Variants in ACP6 observed in about 807,000 individuals in gnomAD.
ACP6 encodes acid phosphatase 6, lysophosphatidic.
Under a neutral mutation model 48.1 loss-of-function variants are expected in ACP6, and 48 were observed. The ratio of observed to expected loss-of-function variants is 1.00; its 90% CI spans 0.79 to 1.27. The LOEUF is 1.27. Among genes scored for constraint, ACP6 ranks in the 50% most tolerant of loss-of-function variants. The pLI, the probability that ACP6 is intolerant of heterozygous loss-of-function variation, is 0.00. For synonymous variants in ACP6, 172 were observed against 204.2 expected (o/e 0.84, Z 1.34); for missense variants, 485 against 529.1 (o/e 0.92, Z 0.82).
intron 1 of ACP6, among the ~76,000 whole-genome samples, chr1:147,669,109 T>G (rs587722021): frequency 6.6e-6 from 1 of 152,262 alleles, no homozygotes; most frequent in East Asian, 1.9e-4. Flanking sequence ...TTTAAACTAT[T>G]TGTGCTTTAG....
Position 147,643,182 on chromosome 1 carries a change from G to C in ACP6, c.*4241C>G, listed in dbSNP as rs1214060003. 2.0e-5 allele frequency: 3 copies of C among 152,102 alleles called. No homozygotes were observed. Among genetic ancestry groups the C allele is most frequent in the African/African-American group, 7.2e-5 (3 of 41,404 alleles). The allele number at this position is 152,102 out of a possible 1,614,324, so 9.4% of individuals were successfully genotyped here. On this transcript the variant is annotated 3_prime_UTR_variant, in exon 10 of 10. Coordinates refer to ENST00000583509, the MANE Select transcript of ACP6 (RefSeq NM_016361.5). ...ATTCAGTCCTCAACATCATTGATAG[G>C]TTCTTGGAAACTGTAGCTTTAAGTA...
chr1:147,662,808 G>T (rs1368618698), intron 1 of ACP6, among the ~76,000 whole-genome samples: 1 of 152,210 alleles, frequency 6.6e-6, no homozygotes, highest in Non-Finnish European at 1.5e-5. Flanking sequence ...TGGGTAAAAT[G>T]CTATTAAACT....
intron 9 of ACP6, 105 bp from the exon 10 acceptor site, chr1:147,647,671 G>A: frequency 7.1e-7 from 1 of 1,416,002 alleles, no homozygotes. Context: ...TGGTATACAT[G>A]TGCATACATA....
intron 8 of ACP6, among the ~76,000 whole-genome samples, chr1:147,649,176 G>A (rs781803297): frequency 3.0e-4 from 45 of 152,156 alleles, no homozygotes; most frequent in Middle Eastern, 6.8e-3. Flanking sequence ...TTCCTCTTAC[G>A]CCATCATGAG....
rs782733883 is a variant in ACP6, at chr1:147,652,556, G to A, written c.781-7C>T. The A allele has an allele frequency of 1.2e-6, 2 of 1,613,982 alleles. No individual in the cohort carries two copies. The highest frequency in any genetic ancestry group is 1.1e-5 in the South Asian group (1 of 91,080). On this transcript the variant is annotated splice_polypyrimidine_tract_variant and splice_region_variant and intron_variant, in intron 6 of 9. Coordinates refer to ENST00000583509, the MANE Select transcript of ACP6 (RefSeq NM_016361.5). ...AGCTTGGGAGGTTGTGTGCCTGAAA[G>A]GGCCACATGTAGTTTTAGAAAAAAA...
intron 7 of ACP6, 28 bp from the exon 8 acceptor site, chr1:147,650,266 C>G: frequency 6.6e-7 from 1 of 1,525,582 alleles, no homozygotes; most frequent in Non-Finnish European, 8.9e-7. Flanking sequence ...CATTTAAGCA[C>G]CTAGAGGGCA....
intron 9 of ACP6, 151 bp from the exon 10 acceptor site, chr1:147,647,717 C>G: frequency 9.8e-7 from 1 of 1,023,882 alleles, no homozygotes; most frequent in Non-Finnish European, 1.4e-6. Flanking sequence ...CGGTGAGCTT[C>G]CAGAATAAAA....
chr1:147,669,856 G>A lies in ACP6; in HGVS notation c.193C>T (p.Leu65Phe), dbSNP rs1207464798. 23 of 1,597,502 alleles carry A rather than the reference G, an allele frequency of 1.4e-5. No homozygotes were observed. Among genetic ancestry groups the A allele is most frequent in the Non-Finnish European group, 2.0e-5 (23 of 1,172,396 alleles). The change falls in exon 1 of 10, where the codon CTC becomes TTC. Residue 65 changes from leucine (L) to phenylalanine (F), a missense_variant. By Grantham distance (22) the Leu-to-Phe change is conservative. Coordinates refer to ENST00000583509, the MANE Select transcript of ACP6 (RefSeq NM_016361.5). ...VVFRHGARSP[L>F]KPLPLEEQVE... ...TGCTCCTCCAGCGGGAGCGGCTTGA[G>A]AGGACTCCGAGCCCCGTGTCGAAAC...
At chr1:147,633,539 T>C (rs1164400453) in intron 5 of ACP6, among the ~76,000 whole-genome samples, 5 of 151,966 alleles carry the variant, frequency 3.3e-5, no homozygotes, top group Non-Finnish European at 5.9e-5. Flanking sequence ...TGGAGTTATA[T>C]TGGAATTTTA....
At chr1:147,642,065 GGA>G (rs1327144857), downstream of ACP6, among the ~76,000 whole-genome samples, 1 of 152,128 alleles carries the variant, frequency 6.6e-6, no homozygotes, top group Non-Finnish European at 1.5e-5. Flanking sequence ...TTACATGAGA[GGA>G]AAAACAGGCT....
chr1:147,636,094 T>G (rs944220264), intron 5 of ACP6, among the ~76,000 whole-genome samples: 3 of 152,132 alleles, frequency 2.0e-5, no homozygotes. Flanking sequence ...GATTAATGTG[T>G]TGGTCTCCCA....
At chr1:147,659,148 G>A in intron 3 of ACP6, 109 bp from the exon 4 acceptor site, 1 of 1,138,328 alleles carries the variant, frequency 8.8e-7, no homozygotes, top group East Asian at 2.6e-5. Flanking sequence ...CATAAGGAGA[G>A]CTATGGAACT....
chr1:147,647,315 TA>T lies in ACP6; in HGVS notation c.*107del. The stretch of plus-strand genomic sequence containing the variant: ...GAAAGGAAATATCCTTACATTATAT[TA>T]AAGTACATTACCCCTTGCTCTCTCC... On this transcript the variant is annotated 3_prime_UTR_variant, in exon 10 of 10. Coordinates refer to ENST00000583509, the MANE Select transcript of ACP6 (RefSeq NM_016361.5). 7.8e-7 allele frequency: 1 copy of T among 1,277,540 alleles called. No homozygotes were observed. Among genetic ancestry groups the T allele is most frequent in the Non-Finnish European group, 1.1e-6 (1 of 920,524 alleles). 79.1% of individuals were successfully genotyped at this position (1,277,540 alleles called of 1,614,324 possible). A position where few individuals can be genotyped will look rare whatever the true frequency, so the allele number is the denominator to read the frequency against.
chr1:147,639,000 G>T (rs1306614744), downstream of ACP6, among the ~76,000 whole-genome samples: 7 of 152,158 alleles, frequency 4.6e-5, no homozygotes, highest in African/African-American at 1.7e-4. Flanking sequence ...GAGACTACAG[G>T]CACTTGCCAC....
chr1:147,659,866 G>T lies in ACP6; in HGVS notation c.220-91C>A, dbSNP rs587671654. 2.4e-4 allele frequency: 352 copies of T among 1,476,030 alleles called. 1 individual carries two copies. The highest frequency in any genetic ancestry group is 8.0e-4 in the Admixed American group (39 of 48,656). 91.4% of individuals were successfully genotyped at this position (1,476,030 alleles called of 1,614,324 possible). A position where few individuals can be genotyped will look rare whatever the true frequency, so the allele number is the denominator to read the frequency against. Reference sequence around the variant, plus strand: ...TCTCAAGCACTCAGAACACATGGCTGGAATCACTGACACTAGGCCTGCAAC... The same window carrying T: ...TCTCAAGCACTCAGAACACATGGCTTGAATCACTGACACTAGGCCTGCAAC... On this transcript the variant is annotated intron_variant, in intron 1 of 9. Coordinates refer to ENST00000583509, the MANE Select transcript of ACP6 (RefSeq NM_016361.5).
intron 5 of ACP6, among the ~76,000 whole-genome samples, chr1:147,633,164 T>G (rs1174745647): frequency 1.3e-5 from 2 of 152,190 alleles, no homozygotes; most frequent in Non-Finnish European, 2.9e-5. Context: ...TCTTTTAGTT[T>G]TTTGCCCATT....
chr1:147,642,355 A>T lies in ACP6; in HGVS notation c.*5068T>A, dbSNP rs1179373290. The T allele has an allele frequency of 2.0e-5, 3 of 152,234 alleles. No homozygotes were observed. Among genetic ancestry groups the T allele is most frequent in the African/African-American group, 7.2e-5 (3 of 41,438 alleles). The allele number at this position is 152,234 out of a possible 1,614,324, so 9.4% of individuals were successfully genotyped here. A position where few individuals can be genotyped will look rare whatever the true frequency, so the allele number is the denominator to read the frequency against. On this transcript the variant is annotated 3_prime_UTR_variant, in exon 10 of 10. Coordinates refer to ENST00000583509, the MANE Select transcript of ACP6 (RefSeq NM_016361.5). ...AAGACAAACAACCTTCTATTGAAGGACAAACAGAAACACGGGAGGCCTAGA... is the reference window on the plus strand; with the variant it reads ...AAGACAAACAACCTTCTATTGAAGGTCAAACAGAAACACGGGAGGCCTAGA...
chr1:147,636,093 G>A (rs1417279), intron 5 of ACP6, among the ~76,000 whole-genome samples: 34,222 of 151,998 alleles, frequency 0.23, 5,101 homozygotes, highest in African/African-American at 0.42. Context: ...TGATTAATGT[G>A]TTGGTCTCCC....
At position 147,659,533 on chromosome 1, in the gene ACP6, T is replaced by C; in HGVS notation, c.349-7A>G. ...GCCCAGCAAACATGCCCCCCTAAAG[T>C]AGGGAAGAAAGAGAAAGAAGAATGA... On this transcript the variant is annotated splice_polypyrimidine_tract_variant and splice_region_variant and intron_variant, in intron 2 of 9. Transcript: ENST00000583509. 1 of 1,612,390 alleles carries C rather than the reference T, an allele frequency of 6.2e-7. No individual in the cohort carries two copies. The highest frequency in any genetic ancestry group is 8.5e-7 in the Non-Finnish European group (1 of 1,179,892).
Sources: allele counts gnomAD v4.1 joint callset (sites outside exome capture counted in the v4.1 genomes callset), GRCh38; gene constraint gnomAD v4.1.1; transcripts MANE v1.5; gene names NCBI Gene and HGNC (gene_info 2026-07-23, HGNC 2026-07-21).